Variants in SPAG16 observed in about 807,000 individuals in gnomAD.
The protein encoded by SPAG16 is sperm-associated antigen 16 protein.
In SPAG16, 86 loss-of-function variants were observed where a neutral mutation model predicts 80.4. The ratio of observed to expected loss-of-function variants is 1.07; its 90% CI spans 0.90 to 1.28. The LOEUF is 1.28. SPAG16 is among the 50% of genes most tolerant of loss of function. SPAG16 has a pLI of 0.00. For missense variants in SPAG16, 870 were observed against 765.3 expected (o/e 1.14, Z -1.61); for synonymous variants, 294 against 265.9 (o/e 1.11, Z -1.03).
intron 15 of SPAG16, among the ~76,000 whole-genome samples, chr2:214,177,159 A>G (rs1329905075): frequency 2.0e-5 from 3 of 151,194 alleles, no homozygotes; most frequent in Admixed American, 6.6e-5. Flanking sequence ...TTGCCAATGG[A>G]TATGAAATTA....
At chr2:213,786,865 T>A (rs566657518) in intron 10 of SPAG16, among the ~76,000 whole-genome samples, 14 of 152,240 alleles carry the variant, frequency 9.2e-5, no homozygotes, top group African/African-American at 3.1e-4. Context: ...TACAATAAAT[T>A]TATTGAGGAA....
intron 10 of SPAG16, among the ~76,000 whole-genome samples, chr2:213,594,053 G>T (rs935042761): frequency 2.6e-5 from 4 of 151,932 alleles, no homozygotes; most frequent in Admixed American, 2.6e-4. Flanking sequence ...GGGATTACAG[G>T]CGTGAGCCAC....
intron 9 of SPAG16, among the ~76,000 whole-genome samples, chr2:213,432,361 G>T (rs79233131): frequency 4.0e-3 from 611 of 152,002 alleles, no homozygotes; most frequent in Middle Eastern, 0.017. Flanking sequence ...ACCAAGAAAA[G>T]AAGTGAGAAG....
chr2:213,830,719 T>C (rs1002142282), intron 10 of SPAG16, among the ~76,000 whole-genome samples: 39 of 152,326 alleles, frequency 2.6e-4, no homozygotes, highest in African/African-American at 8.2e-4. Flanking sequence ...TTATCCTGTA[T>C]TGGATTTTGC....
At chr2:214,224,392 G>A (rs1303020782) in intron 15 of SPAG16, among the ~76,000 whole-genome samples, 2 of 152,086 alleles carry the variant, frequency 1.3e-5, no homozygotes, top group Non-Finnish European at 2.9e-5. Flanking sequence ...TCTTAAAGAT[G>A]AGCCATTATG....
intron 15 of SPAG16, among the ~76,000 whole-genome samples, chr2:214,211,500 C>T (rs1341868083): frequency 6.6e-6 from 1 of 152,156 alleles, no homozygotes; most frequent in East Asian, 1.9e-4. Context: ...ATCTATGGGC[C>T]TATTTCCCAG....
chr2:213,387,750 G>A (rs1030287398), intron 9 of SPAG16, among the ~76,000 whole-genome samples: 32 of 151,760 alleles, frequency 2.1e-4, no homozygotes, highest in African/African-American at 5.3e-4. Context: ...CACCGCGCCC[G>A]GCCATGCATG....
At chr2:213,522,287 T>C (rs2075707252) in intron 10 of SPAG16, among the ~76,000 whole-genome samples, 2 of 152,220 alleles carry the variant, frequency 1.3e-5, no homozygotes, top group South Asian at 4.1e-4. Context: ...TCGAAAGCTT[T>C]ATTGACAAAT....
chr2:213,553,749 T>C (rs1490312774), intron 10 of SPAG16, among the ~76,000 whole-genome samples: 1 of 152,120 alleles, frequency 6.6e-6, no homozygotes, highest in Non-Finnish European at 1.5e-5. Flanking sequence ...CTAGATTGTA[T>C]TGCAAGACCC....
intron 9 of SPAG16, among the ~76,000 whole-genome samples, chr2:213,428,957 T>C (rs1372535116): frequency 2.0e-5 from 3 of 151,880 alleles, no homozygotes; most frequent in African/African-American, 7.3e-5. Context: ...CTGAGCATGG[T>C]GGCAGGCTCC....
intron 12 of SPAG16, among the ~76,000 whole-genome samples, chr2:213,986,429 TTAAA>T (rs2046007175): frequency 6.6e-6 from 1 of 152,064 alleles, no homozygotes; most frequent in Non-Finnish European, 1.5e-5. Flanking sequence ...TAACATACAT[TTAAA>T]TATAATTATT....
At chr2:213,975,126 C>A (rs1185022716) in intron 12 of SPAG16, among the ~76,000 whole-genome samples, 1 of 150,828 alleles carries the variant, frequency 6.6e-6, no homozygotes, top group African/African-American at 2.4e-5. Context: ...TAGTAGATAT[C>A]TATCATAGGT....
At chr2:213,891,646 C>G (rs1250367076) in intron 11 of SPAG16, among the ~76,000 whole-genome samples, 1 of 152,118 alleles carries the variant, frequency 6.6e-6, no homozygotes, top group Admixed American at 6.6e-5. Context: ...CTTCCCCTAA[C>G]AGAAAGCCGA....
chr2:213,705,663 C>T (rs2065716190), intron 10 of SPAG16, among the ~76,000 whole-genome samples: 1 of 152,054 alleles, frequency 6.6e-6, no homozygotes, highest in South Asian at 2.1e-4. Context: ...TTTATGTTCC[C>T]CTAATTTTCC....
At chr2:213,751,293 G>T (rs985805151) in intron 10 of SPAG16, among the ~76,000 whole-genome samples, 1 of 152,062 alleles carries the variant, frequency 6.6e-6, no homozygotes, top group Admixed American at 6.6e-5. Context: ...ATGGTTGCTT[G>T]CAATATAGCC....
At chr2:213,491,212 A>G (rs1466734761) in intron 10 of SPAG16, among the ~76,000 whole-genome samples, 1 of 152,240 alleles carries the variant, frequency 6.6e-6, no homozygotes, top group African/African-American at 2.4e-5. Context: ...ATGTAAAACA[A>G]GTGCCTGTAC....
At chr2:214,057,279 A>G (rs1349996656) in intron 13 of SPAG16, among the ~76,000 whole-genome samples, 4 of 151,940 alleles carry the variant, frequency 2.6e-5, no homozygotes, top group African/African-American at 4.8e-5. Flanking sequence ...AAGACTTAAA[A>G]GTCAAAATTG....
intron 10 of SPAG16, among the ~76,000 whole-genome samples, chr2:213,578,961 A>G (rs2060215693): frequency 1.3e-5 from 2 of 152,222 alleles, no homozygotes; most frequent in East Asian, 3.9e-4. Context: ...ATAAAAACCC[A>G]TTTAAGTGTT....
chr2:213,479,121 A>C (rs1428832402), intron 9 of SPAG16, among the ~76,000 whole-genome samples: 1 of 50,504 alleles, frequency 2.0e-5, no homozygotes, highest in African/African-American at 7.1e-5. Flanking sequence ...TTTTTTTTGT[A>C]AAATGCCACA....
Sources: allele counts gnomAD v4.1 joint callset (sites outside exome capture counted in the v4.1 genomes callset), GRCh38; gene constraint gnomAD v4.1.1; transcripts MANE v1.5; gene names NCBI Gene and HGNC (gene_info 2026-07-23, HGNC 2026-07-21).